The following ACTR3C variants were observed in gnomAD, a reference collection of about 807,000 sequenced individuals.
ACTR3C encodes actin related protein 3C.
A neutral mutation model predicts 26.3 loss-of-function variants in ACTR3C; 18 were observed. The ratio of observed to expected loss-of-function variants is 0.68; its 90% CI spans 0.47 to 1.01. The LOEUF (loss-of-function observed/expected upper bound fraction) is 1.01, where lower values mean the gene tolerates loss of function less well. Ranked by LOEUF, ACTR3C falls within the 50% of genes least tolerant of loss-of-function variation. The probability of loss-of-function intolerance (pLI) is 0.00; values close to 1 mark genes in which losing one functional copy is unlikely to be tolerated. For missense variants in ACTR3C, 184 were observed against 250.7 expected, an observed-to-expected ratio of 0.73 and a Z score of 1.80; for synonymous variants, 55 against 94.5, an observed-to-expected ratio of 0.58 and a Z score of 2.42.
chr7:150,021,869 G>A, the ACTR3C span, among the ~76,000 whole-genome samples: 4 of 151,436 alleles, frequency 2.6e-5, no homozygotes, highest in Non-Finnish European at 5.9e-5. Context: ...CTACTCCTTG[G>A]TTGATGAACA....
chr7:149,970,612 C>T, the ACTR3C span, among the ~76,000 whole-genome samples: 1 of 152,206 alleles, frequency 6.6e-6, no homozygotes. Flanking sequence ...GGTCACCCTA[C>T]TTAAAGGTCG....
At chr7:149,964,457 G>T in the ACTR3C span, among the ~76,000 whole-genome samples, 1 of 152,186 alleles carries the variant, frequency 6.6e-6, no homozygotes, top group African/African-American at 2.4e-5. Context: ...AATATAGTGG[G>T]AGGGGAGGTG....
chr7:149,968,465 G>A, the ACTR3C span, among the ~76,000 whole-genome samples: 6 of 152,282 alleles, frequency 3.9e-5, no homozygotes, highest in South Asian at 6.2e-4. Flanking sequence ...CCCAGGAGGC[G>A]GAGTTTGCAG....
chr7:150,016,923 A>G, the ACTR3C span, among the ~76,000 whole-genome samples: 2 of 152,162 alleles, frequency 1.3e-5, no homozygotes, highest in African/African-American at 4.8e-5. Context: ...TAAATAAAGT[A>G]GAATTCTTGG....
the ACTR3C span, among the ~76,000 whole-genome samples, chr7:149,928,480 A>G: frequency 6.6e-6 from 1 of 151,106 alleles, no homozygotes; most frequent in South Asian, 2.1e-4. Context: ...CGGCCTCCCA[A>G]AGTGCTGGGA....
the ACTR3C span, among the ~76,000 whole-genome samples, chr7:150,225,432 A>G: frequency 2.0e-5 from 3 of 152,204 alleles, no homozygotes; most frequent in Admixed American, 2.0e-4. Flanking sequence ...TTATCTGTAA[A>G]TGCCCACTCC....
the ACTR3C span, chr7:150,040,519 C>T: frequency 6.7e-6 from 1 of 148,798 alleles, no homozygotes; most frequent in Non-Finnish European, 1.5e-5. Context: ...GATCCACAGT[C>T]TACGAAACCC....
At chr7:149,962,807 C>T in the ACTR3C span, among the ~76,000 whole-genome samples, 20 of 152,282 alleles carry the variant, frequency 1.3e-4, no homozygotes, top group Non-Finnish European at 2.4e-4. Flanking sequence ...TGCACATCCT[C>T]GGCATTCCCC....
chr7:149,910,709 T>A, the ACTR3C span, among the ~76,000 whole-genome samples: 77 of 152,292 alleles, frequency 5.1e-4, no homozygotes, highest in East Asian at 0.015. Context: ...TATTTCAATA[T>A]GCTTAATATT....
the ACTR3C span, among the ~76,000 whole-genome samples, chr7:149,941,158 G>A: frequency 6.6e-5 from 10 of 152,228 alleles, no homozygotes; most frequent in Non-Finnish European, 1.3e-4. Context: ...AGGGCCAGCC[G>A]TCTGAGAGAA....
chr7:150,094,366 C>A, the ACTR3C span, among the ~76,000 whole-genome samples: 1 of 148,646 alleles, frequency 6.7e-6, no homozygotes, highest in Admixed American at 6.6e-5. Flanking sequence ...TCTGGCCCTC[C>A]CTAGACATAA....
chr7:149,979,818 G>A, the ACTR3C span, among the ~76,000 whole-genome samples: 1 of 150,336 alleles, frequency 6.7e-6, no homozygotes, highest in Non-Finnish European at 1.5e-5. Flanking sequence ...ATTCCCAGGG[G>A]TTTCAACCTG....
At chr7:150,175,549 C>T in the ACTR3C span, among the ~76,000 whole-genome samples, 3 of 150,034 alleles carry the variant, frequency 2.0e-5, no homozygotes, top group Non-Finnish European at 4.4e-5. Flanking sequence ...CAAAGTGGCT[C>T]ATGCCTGTAA....
downstream of ACTR3C, chr7:150,246,008 T>C (rs1436494813): frequency 3.3e-5 from 5 of 152,202 alleles, no homozygotes; most frequent in African/African-American, 1.2e-4. Context: ...AAAACAGTTA[T>C]GCAGAGAAAA....
the ACTR3C span, among the ~76,000 whole-genome samples, chr7:150,071,314 C>T: frequency 1.8e-4 from 27 of 150,380 alleles, no homozygotes; most frequent in Non-Finnish European, 3.4e-4. Context: ...TTAGTAGAGA[C>T]GGGGTTTCAC....
chr7:150,106,082 T>C, the ACTR3C span, among the ~76,000 whole-genome samples: 1 of 152,002 alleles, frequency 6.6e-6, no homozygotes, highest in South Asian at 2.1e-4. Context: ...GAGCAACTTC[T>C]GGCAGATGTT....
chr7:149,949,096 A>G, the ACTR3C span, among the ~76,000 whole-genome samples: 2 of 146,858 alleles, frequency 1.4e-5, no homozygotes, highest in Non-Finnish European at 2.9e-5. Context: ...CAGGCGGATC[A>G]CCTGAAATCA....
the ACTR3C span, among the ~76,000 whole-genome samples, chr7:150,180,392 T>C: frequency 1.3e-5 from 2 of 150,958 alleles, no homozygotes; most frequent in African/African-American, 2.5e-5. Flanking sequence ...CTAGAATGTT[T>C]GCCATTTTTT....
At chr7:149,954,754 G>A in the ACTR3C span, among the ~76,000 whole-genome samples, 1 of 152,284 alleles carries the variant, frequency 6.6e-6, no homozygotes, top group East Asian at 1.9e-4. Context: ...AATGTATCTC[G>A]TGGTCCTCTT....
Sources: allele counts gnomAD v4.1 joint callset (sites outside exome capture counted in the v4.1 genomes callset), GRCh38; gene constraint gnomAD v4.1.1; transcripts MANE v1.5; gene names NCBI Gene and HGNC (gene_info 2026-07-23, HGNC 2026-07-21).